TBC1D10B: variants seen among roughly 807,000 people sequenced by gnomAD.
TBC1D10B encodes TBC1 domain family member 10B.
Under a neutral mutation model 78.4 loss-of-function variants are expected in TBC1D10B, and 25 were observed. That is an observed-to-expected ratio of 0.32 (90% CI 0.23 to 0.45). TBC1D10B has a LOEUF of 0.45. Ranked by LOEUF, TBC1D10B falls within the 20% of genes least tolerant of loss-of-function variation. The pLI, the probability that TBC1D10B is intolerant of heterozygous loss-of-function variation, is 1.00. For synonymous variants in TBC1D10B, 517 were observed against 478.0 expected (o/e 1.08, Z -1.06); for missense variants, 996 against 1,104.8 (o/e 0.90, Z 1.40).
intron 4 of TBC1D10B, 53 bp downstream of exon 4, chr16:30,364,847 T>A (rs1360293653): frequency 5.9e-6 from 9 of 1,519,534 alleles, no homozygotes; most frequent in Non-Finnish European, 8.0e-6. Flanking sequence ...AGCTAAAAGG[T>A]GGATCCTCCA....
Position 30,370,288 on chromosome 16 carries a change from C to T in TBC1D10B, c.-105G>A, listed in dbSNP as rs1404486874. 1 of 517,694 alleles carries T rather than the reference C, an allele frequency of 1.9e-6. No homozygotes were observed. 32.1% of individuals were successfully genotyped at this position (517,694 alleles called of 1,614,324 possible). A position where few individuals can be genotyped will look rare whatever the true frequency, so the allele number is the denominator to read the frequency against. The stretch of plus-strand genomic sequence containing the variant: ...CCGAGAAAGGGGAGAGGGCGAAGGG[C>T]GCGGCTCGGCGCGCGCCGGGGGCGG... On this transcript the variant is annotated 5_prime_UTR_variant, in exon 1 of 9. Transcript: ENST00000409939.
chr16:30,358,076 C>T lies in TBC1D10B; in HGVS notation c.2295G>A (p.Lys765=). ...CCTTCTTCTCCTGCTTCTGCCGCTC[C>T]TTCTCCTGCTTCTCTCGCTCCTTTT... The part of the protein sequence containing the change: ...KQEKEREKQE[K]ERQKQEKKAQ... Residue 765 remains lysine (K), a synonymous_variant, in exon 9 of 9, where the codon AAG becomes AAA. Coordinates refer to ENST00000409939, the MANE Select transcript of TBC1D10B (RefSeq NM_015527.4). The T allele has an allele frequency of 6.4e-7, 1 of 1,551,398 alleles. No homozygotes were observed. Among genetic ancestry groups the T allele is most frequent in the Non-Finnish European group, 8.7e-7 (1 of 1,146,438 alleles).
chr16:30,358,620 C>T (rs375968242), intron 8 of TBC1D10B, 43 bp downstream of exon 8: 17 of 1,587,446 alleles, frequency 1.1e-5, no homozygotes, highest in East Asian at 6.8e-5. Context: ...AGGGTGGGAG[C>T]GGGCTGAGGC....
In TBC1D10B at chr16:30,369,890, G is replaced by C. The variant is rs1451112234; in HGVS notation, c.294C>G (p.Pro98=). ...TVVVLTLEAS[P]EAPKPQLPSG... ...AGGGGAGCTGCGGCTTTGGGGCTTC[G>C]GGCGAGGCCTCCAGGGTCAGCACCA... Residue 98 remains proline (P), a synonymous_variant, in exon 1 of 9, where the codon CCC becomes CCG. Coordinates refer to ENST00000409939, the MANE Select transcript of TBC1D10B (RefSeq NM_015527.4). This position sits in a 1 kb window ranked among gnomAD's most constrained non-coding sequence, Gnocchi z 4.3. The C allele has an allele frequency of 1.4e-6, 2 of 1,392,422 alleles. No individual in the cohort carries two copies. The highest frequency in any genetic ancestry group is 5.5e-5 in the East Asian group (2 of 36,168). The allele number at this position is 1,392,422 out of a possible 1,614,324, so 86.3% of individuals were successfully genotyped here. A position where few individuals can be genotyped will look rare whatever the true frequency, so the allele number is the denominator to read the frequency against.
intron 4 of TBC1D10B, among the ~76,000 whole-genome samples, chr16:30,364,117 CAAAA>C (rs566136462): frequency 9.4e-6 from 1 of 106,912 alleles, no homozygotes; most frequent in Non-Finnish European, 2.0e-5. Flanking sequence ...AACTCCATCT[CAAAA>C]AAAAAAAAAA....
Position 30,358,524 on chromosome 16 carries a change from G to A in TBC1D10B, c.1847C>T (p.Ala616Val), listed in dbSNP as rs1434982377. 6.2e-7 allele frequency: 1 copy of A among 1,610,974 alleles called. No individual in the cohort carries two copies. The highest frequency in any genetic ancestry group is 8.5e-7 in the Non-Finnish European group (1 of 1,177,950). Residue 616 changes from alanine to valine, a missense_variant, in exon 9 of 9, where the codon GCC becomes GTC. By Grantham distance (64) the Ala-to-Val change is moderately conservative (BLOSUM62 0). Transcript: ENST00000409939. ...TEALIERENA[A>V]QLKKWRETRG... ...CGTTTCCCGCCACTTCTTGAGCTGG[G>A]CTGCATTCTCCCGCTCAATCAGTGC...
intron 1 of TBC1D10B, chr16:30,367,584 T>C (rs1361859192): frequency 6.6e-6 from 1 of 152,004 alleles, no homozygotes; most frequent in Admixed American, 6.6e-5. Flanking sequence ...AGGTAAGCCA[T>C]GAAGAAATGA....
chr16:30,369,956 TG>T lies in TBC1D10B; in HGVS notation c.227del (p.Pro76GlnfsTer17). ...TGACAGCCGGGGCTGGGGCCGGGGC[TG>T]GGGCCGGGGCCGGAGCAGAGGTCTC... The part of the protein sequence containing the change: ...SAETSAPAPA[P>X]APAPAPAVTG... On this transcript the variant is annotated frameshift_variant, in exon 1 of 9. Transcript: ENST00000409939. LOFTEE classifies it high-confidence loss of function. This position sits in a 1 kb window ranked among gnomAD's most constrained non-coding sequence, Gnocchi z 4.3. The T allele has an allele frequency of 7.8e-7, 1 of 1,281,046 alleles. No individual in the cohort carries two copies. Among genetic ancestry groups the T allele is most frequent in the South Asian group, 2.6e-5 (1 of 37,902 alleles). 79.4% of individuals were successfully genotyped at this position (1,281,046 alleles called of 1,614,324 possible). A position where few individuals can be genotyped will look rare whatever the true frequency, so the allele number is the denominator to read the frequency against.
Position 30,358,185 on chromosome 16 carries a change from T to C in TBC1D10B, c.2186A>G (p.Gln729Arg), listed in dbSNP as rs535031755. 8 of 1,551,876 alleles carry C rather than the reference T, an allele frequency of 5.2e-6. No homozygotes were observed. The highest frequency in any genetic ancestry group is 2.7e-5 in the African/African-American group (2 of 73,154). The change falls in exon 9 of 9, where the codon CAG becomes CGG. Residue 729 changes from glutamine to arginine, a missense_variant. Gln to Arg is a conservative substitution (Grantham distance 43). Coordinates refer to ENST00000409939, the MANE Select transcript of TBC1D10B (RefSeq NM_015527.4). ...TTTCTGCCGCTCCTTCTCCTGTTTC[T>C]GCCGCTCCTTCTCCTGCTTCCGGGT... ...KETRKQEKER[Q>R]KQEKERQKQE...
rs753321016 is a variant in TBC1D10B, at chr16:30,365,508, C to G, written c.1043G>C (p.Arg348Pro). The part of the protein sequence containing the change: ...MFSNWDKWLS[R>P]RFQKVKLRCR... ...CAGCCCTCAAACCTTCTGGAATCGC[C>G]GTGACAGCCACTTATCCCAGTTACT... The change falls in exon 2 of 9, where the codon CGG (arginine) becomes CCG (proline). Residue 348 changes from arginine to proline, a missense_variant. Around this residue, in one of 5 missense-constraint regions of TBC1D10B, gnomAD observed 93 missense variants for 152.7 expected, o/e 0.61. Coordinates refer to ENST00000409939, the MANE Select transcript of TBC1D10B (RefSeq NM_015527.4). The surrounding 1 kb of genome is among the most constrained non-coding windows in gnomAD (Gnocchi z 5.0). 1.9e-6 allele frequency: 3 copies of G among 1,614,022 alleles called. No individual in the cohort carries two copies. The highest frequency in any genetic ancestry group is 2.5e-6 in the Non-Finnish European group (3 of 1,179,894).
Position 30,370,003 on chromosome 16 carries a change from C to A in TBC1D10B, c.181G>T (p.Ala61Ser), listed in dbSNP as rs962281164. 10 of 1,232,646 alleles carry A rather than the reference C, an allele frequency of 8.1e-6. No homozygotes were observed. The highest frequency in any genetic ancestry group is 4.2e-5 in the Admixed American group (1 of 23,682). 76.4% of individuals were successfully genotyped at this position (1,232,646 alleles called of 1,614,324 possible). A position where few individuals can be genotyped will look rare whatever the true frequency, so the allele number is the denominator to read the frequency against. Residue 61 changes from alanine (A) to serine (S), a missense_variant, in exon 1 of 9, where the codon GCC becomes TCC. Around this residue, in one of 5 missense-constraint regions of TBC1D10B, gnomAD observed 448 missense variants for 442.1 expected, o/e 1.01. Transcript: ENST00000409939. ...TLVAPGEARPAWVPGSAETSA... is the reference protein window; with the variant it reads ...TLVAPGEARPSWVPGSAETSA... Reference sequence around the variant, plus strand: ...GTCTCGGCCGACCCCGGGACCCAGGCGGGCCGCGCCTCCCCGGGGGCCACC... The same window carrying A: ...GTCTCGGCCGACCCCGGGACCCAGGAGGGCCGCGCCTCCCCGGGGGCCACC...
At chr16:30,362,570 T>C (rs2049606259) in intron 4 of TBC1D10B, among the ~76,000 whole-genome samples, 1 of 152,158 alleles carries the variant, frequency 6.6e-6, no homozygotes, top group Admixed American at 6.6e-5. Flanking sequence ...GTATCTACAC[T>C]TGTTGCCTTT....
intron 1 of TBC1D10B, chr16:30,367,283 T>C (rs1048129311): frequency 1.3e-5 from 2 of 152,044 alleles, no homozygotes; most frequent in Non-Finnish European, 2.9e-5. Flanking sequence ...AAACTGCATA[T>C]AAACATCTGT....
chr16:30,359,861 CTG>C lies in TBC1D10B; in HGVS notation c.1272-22_1272-21del. ...TGTTGCCTGTGGGGGTTGGGGAAGACTGTGAGGGCAGTCACGGGCTGAGAGCT... is the reference window on the plus strand; with the variant it reads ...TGTTGCCTGTGGGGGTTGGGGAAGACTGAGGGCAGTCACGGGCTGAGAGCT... On this transcript the variant is annotated intron_variant, in intron 4 of 8. Transcript: ENST00000409939. 6.5e-7 allele frequency: 1 copy of C among 1,546,792 alleles called. No homozygotes were observed. The highest frequency in any genetic ancestry group is 8.7e-7 in the Non-Finnish European group (1 of 1,143,340).
Position 30,369,739 on chromosome 16 carries a change from G to C in TBC1D10B, c.445C>G (p.Pro149Ala). The C allele has an allele frequency of 2.0e-6, 3 of 1,465,818 alleles. No homozygotes were observed. The highest frequency in any genetic ancestry group is 1.8e-6 in the Non-Finnish European group (2 of 1,106,690). 90.8% of individuals were successfully genotyped at this position (1,465,818 alleles called of 1,614,324 possible). ...GGGGTCCTGGTAGGGGTCCCGGTGG[G>C]GGTCCCTGGTCCTGGGGCGGGTGAG... ...RPSPAPGPGT[P>A]TGTPTRTPSR... is the part of the protein sequence containing the mutation. Residue 149 changes from proline to alanine, a missense_variant, in exon 1 of 9, where the codon CCC becomes GCC. Around this residue, in one of 5 missense-constraint regions of TBC1D10B, gnomAD observed 448 missense variants for 442.1 expected, o/e 1.01. Coordinates refer to ENST00000409939, the MANE Select transcript of TBC1D10B (RefSeq NM_015527.4). The surrounding 1 kb of genome is among the most constrained non-coding windows in gnomAD (Gnocchi z 4.3).
At chr16:30,360,924 C>T (rs913787725) in intron 4 of TBC1D10B, among the ~76,000 whole-genome samples, 1 of 151,856 alleles carries the variant, frequency 6.6e-6, no homozygotes, top group African/African-American at 2.4e-5. Context: ...TGCTCCTGCA[C>T]TATCAATTTC....
chr16:30,359,302 C>G lies in TBC1D10B; in HGVS notation c.1512G>C (p.Leu504=). The G allele has an allele frequency of 6.2e-7, 1 of 1,603,530 alleles. No individual in the cohort carries two copies. The highest frequency in any genetic ancestry group is 8.5e-7 in the Non-Finnish European group (1 of 1,175,170). Residue 504 remains leucine (L), a synonymous_variant, in exon 7 of 9, where the codon CTG becomes CTC. Transcript: ENST00000409939. Reference sequence around the variant, plus strand: ...GCTGCCGCCGCAGGTGGCGATGCGCCAGCGGGGAGGCCCGGCGCAGGAGTG... The same window carrying G: ...GCTGCCGCCGCAGGTGGCGATGCGCGAGCGGGGAGGCCCGGCGCAGGAGTG... ...FFALLRRASP[L]AHRHLRRQRI...
rs2151100769 is a variant in TBC1D10B at position 30,359,507 on chromosome 16, C to T, written c.1452+31G>A. On this transcript the variant is annotated intron_variant, in intron 6 of 8. Transcript: ENST00000409939. ...CTGCAGCCTGGAGGAAACGCCACAG[C>T]CCCGGATGCACCCAGCCTCCAGACA... The T allele has an allele frequency of 1.9e-6, 3 of 1,553,728 alleles. No individual in the cohort carries two copies. In the East Asian group the frequency reaches 7.3e-5, roughly 38 times the overall value.
rs555070295 is a variant in TBC1D10B at position 30,358,529 on chromosome 16, A to C, written c.1842T>G (p.Asn614Lys). 1 of 1,610,554 alleles carries C rather than the reference A, an allele frequency of 6.2e-7. No homozygotes were observed. Among genetic ancestry groups the C allele is most frequent in the Admixed American group, 1.7e-5 (1 of 59,848 alleles). Residue 614 changes from asparagine to lysine, a missense_variant, in exon 9 of 9, where the codon AAT (asparagine) becomes AAG (lysine). Asn to Lys is a moderately conservative substitution (Grantham distance 94). This residue lies in a region of TBC1D10B where 168 missense variants were observed against 238.7 expected (regional missense o/e 0.70). Transcript: ENST00000409939. Reference sequence around the variant, plus strand: ...CCCGCCACTTCTTGAGCTGGGCTGCATTCTCCCGCTCAATCAGTGCTTCTG... The same window carrying C: ...CCCGCCACTTCTTGAGCTGGGCTGCCTTCTCCCGCTCAATCAGTGCTTCTG... ...PVTEALIERENAAQLKKWRET... is the reference protein window; with the variant it reads ...PVTEALIEREKAAQLKKWRET...
Sources: allele counts gnomAD v4.1 joint callset (sites outside exome capture counted in the v4.1 genomes callset), GRCh38; gene constraint gnomAD v4.1.1; regional missense constraint gnomAD v4.1.1; non-coding constraint Gnocchi (gnomAD v3.1); transcripts MANE v1.5; gene names NCBI Gene and HGNC (gene_info 2026-07-23, HGNC 2026-07-21).